Variants in ST3GAL1 observed in about 807,000 individuals in gnomAD.
The protein encoded by ST3GAL1 is ST3 beta-galactoside alpha-2,3-sialyltransferase 1, also known as CMP-N-acetylneuraminate-beta-galactosamide-alpha-2,3-sialyltransferase 1.
A neutral mutation model predicts 34.1 loss-of-function variants in ST3GAL1; 16 were observed. The observed-to-expected ratio is 0.47, with a 90% CI of 0.32 to 0.71. The LOEUF is 0.71. Among genes scored for constraint, ST3GAL1 ranks in the 30% least tolerant of loss-of-function variants. The pLI is 0.04. For missense variants in ST3GAL1, 353 were observed against 447.4 expected, an observed-to-expected ratio of 0.79 and a Z score of 1.90; for synonymous variants, 191 against 184.7, an observed-to-expected ratio of 1.03 and a Z score of -0.28.
chr8:133,476,623 A>C (rs902023857), intron 3 of ST3GAL1, 23 bp from the exon 4 acceptor site: 3 of 152,236 alleles, frequency 2.0e-5, no homozygotes, highest in African/African-American at 4.8e-5. Flanking sequence ...GGAGGAAGAA[A>C]ACAGCGTGAG....
At chr8:133,462,270 A>C (rs1335877318) in intron 8 of ST3GAL1, among the ~76,000 whole-genome samples, 1 of 152,160 alleles carries the variant, frequency 6.6e-6, no homozygotes, top group African/African-American at 2.4e-5. Context: ...TGACACACAG[A>C]AAAATCCAAG....
In ST3GAL1 at chr8:133,539,199, C is replaced by T. The variant is rs190049517; in HGVS notation, c.-429+6575G>A. Among the ~76,000 whole-genome samples the T allele has an allele frequency of 1.9e-4, 29 of 152,274 alleles. No individual in the cohort carries two copies. In the Middle Eastern group the frequency reaches 0.02, roughly 107 times the overall value. On this transcript the variant is annotated intron_variant, in intron 2 of 9. Coordinates refer to ENST00000522652, the MANE Select transcript of ST3GAL1 (RefSeq NM_173344.3). ...AGTGCCTTCGAAAATCCCAGCAGAA[C>T]CAAGAAGAACGAAGTTCTTTCGCCC...
rs574957440 is a variant in ST3GAL1, at chr8:133,477,669, C to T, written c.-373-1069G>A. Among the ~76,000 whole-genome samples the T allele has an allele frequency of 5.8e-4, 88 of 152,118 alleles. 1 individual carries two copies. The highest frequency in any genetic ancestry group is 4.8e-3 in the Admixed American group (74 of 15,280). On this transcript the variant is annotated intron_variant, in intron 3 of 9. Transcript: ENST00000522652. ...TCTTTTGAAGAAGGCAAACAGGTACCTCTCAAATGCCCATCGGAGACCCCT... is the reference window on the plus strand; with the variant it reads ...TCTTTTGAAGAAGGCAAACAGGTACTTCTCAAATGCCCATCGGAGACCCCT...
chr8:133,535,805 T>G (rs1323149685), intron 2 of ST3GAL1, among the ~76,000 whole-genome samples: 2 of 152,202 alleles, frequency 1.3e-5, no homozygotes, highest in Non-Finnish European at 2.9e-5. Flanking sequence ...AAAAAGTATT[T>G]TTTAATTAAG....
chr8:133,467,039 G>T lies in ST3GAL1; in HGVS notation c.307-949C>A, dbSNP rs1815763567. Among the ~76,000 whole-genome samples, 1 of 150,846 alleles carries T rather than the reference G, an allele frequency of 6.6e-6. No individual in the cohort carries two copies. The highest frequency in any genetic ancestry group is 2.4e-5 in the African/African-American group (1 of 41,004). ...GAACCCGGAAGGCGGAGGTTGCAGT[G>T]AGCCAAGACAGTGCCACTGCACTTC... On this transcript the variant is annotated intron_variant, in intron 5 of 9. Transcript: ENST00000522652. This position sits in a 1 kb window ranked among gnomAD's most constrained non-coding sequence, Gnocchi z 4.2.
chr8:133,530,737 A>G (rs1235951854), intron 2 of ST3GAL1, among the ~76,000 whole-genome samples: 2 of 152,196 alleles, frequency 1.3e-5, no homozygotes, highest in Non-Finnish European at 2.9e-5. Context: ...GACAAAAAGC[A>G]TTTCGGGAAA....
chr8:133,562,794 T>TTTCTTTCC (rs1274494149), intron 1 of ST3GAL1, among the ~76,000 whole-genome samples: 6 of 108,600 alleles, frequency 5.5e-5, no homozygotes, highest in East Asian at 2.5e-4. Flanking sequence ...TCTTTCTTTC[T>TTTCTTTCC]TTCCTTCCTT....
At position 133,456,148 on chromosome 8, in the gene ST3GAL1, T is replaced by A. The variant is rs545073330; in HGVS notation, c.*3616A>T. ...GTTTTAAAAGGCATTCATCCATTTA[T>A]GAACTTTCTTCCAGCCCAGGATCCC... On this transcript the variant is annotated 3_prime_UTR_variant, in exon 10 of 10. Transcript: ENST00000522652. The A allele has an allele frequency of 1.3e-5, 2 of 152,352 alleles. No individual in the cohort carries two copies. The highest frequency in any genetic ancestry group is 4.8e-5 in the African/African-American group (2 of 41,584). 9.4% of individuals were successfully genotyped at this position (152,352 alleles called of 1,614,324 possible).
At position 133,456,109 on chromosome 8, in the gene ST3GAL1, T is replaced by C. The variant is rs1004914958; in HGVS notation, c.*3655A>G. 1.3e-5 allele frequency: 2 copies of C among 152,222 alleles called. No individual in the cohort carries two copies. The highest frequency in any genetic ancestry group is 4.8e-5 in the African/African-American group (2 of 41,452). The allele number at this position is 152,222 out of a possible 1,614,324, so 9.4% of individuals were successfully genotyped here. On this transcript the variant is annotated 3_prime_UTR_variant, in exon 10 of 10. Transcript: ENST00000522652. ...AACCAAATGCTTTGGTGAATGATGC[T>C]TGGAAAAGCTGGAGTTTTAAAAGGC... is the stretch of plus-strand genomic sequence containing the variant.
chr8:133,525,558 CCTGT>C (rs1817944993), intron 2 of ST3GAL1, among the ~76,000 whole-genome samples: 1 of 152,136 alleles, frequency 6.6e-6, no homozygotes, highest in African/African-American at 2.4e-5. Context: ...TGCCCAGGAG[CCTGT>C]CTGCCTCCTG....
At chr8:133,463,391 G>A (rs569191027) in intron 8 of ST3GAL1, 23 bp downstream of exon 8, 2 of 1,613,646 alleles carry the variant, frequency 1.2e-6, no homozygotes, top group African/African-American at 1.3e-5. Context: ...ACTTAGAACA[G>A]AGGGGCCGGG....
intron 1 of ST3GAL1, among the ~76,000 whole-genome samples, chr8:133,554,200 A>T (rs1356694169): frequency 2.0e-5 from 3 of 152,186 alleles, no homozygotes; most frequent in Non-Finnish European, 2.9e-5. Context: ...GCATGAGTCA[A>T]ATTCTAGACC....
chr8:133,476,173 C>G, intron 4 of ST3GAL1, 99 bp from the exon 5 acceptor site: 1 of 832,008 alleles, frequency 1.2e-6, no homozygotes, highest in Non-Finnish European at 1.8e-6. Flanking sequence ...CCGCTAAGCT[C>G]GACTTCACTC....
At chr8:133,516,694 T>C (rs1454478590) in intron 2 of ST3GAL1, among the ~76,000 whole-genome samples, 1 of 152,140 alleles carries the variant, frequency 6.6e-6, no homozygotes, top group Non-Finnish European at 1.5e-5. Context: ...AGGGCAGCAA[T>C]TATAAAAGTG....
chr8:133,551,559 AAAGAAAGAAAG>A (rs1563738991), intron 1 of ST3GAL1, among the ~76,000 whole-genome samples: 8 of 140,382 alleles, frequency 5.7e-5, no homozygotes. Flanking sequence ...AGAAAGAAAG[AAAGAAAGAAAG>A]AAAGAAAGAA....
chr8:133,489,037 G>A (rs1012815999), intron 3 of ST3GAL1, among the ~76,000 whole-genome samples: 8 of 152,126 alleles, frequency 5.3e-5, no homozygotes, highest in Non-Finnish European at 1.2e-4. Flanking sequence ...CCTTGCTCCT[G>A]TCAAATGACC....
chr8:133,543,982 G>A (rs994447427), intron 2 of ST3GAL1: 1 of 152,236 alleles, frequency 6.6e-6, no homozygotes, highest in Non-Finnish European at 1.5e-5. Flanking sequence ...ATGGTGAGGT[G>A]CTTGAAGACC....
intron 2 of ST3GAL1, among the ~76,000 whole-genome samples, chr8:133,505,459 T>C (rs1476194642): frequency 6.6e-6 from 1 of 152,186 alleles, no homozygotes; most frequent in Non-Finnish European, 1.5e-5. Context: ...GTAAAGTCTT[T>C]TGGCTCTGAT....
At chr8:133,463,646 A>T (rs955173325) in intron 7 of ST3GAL1, among the ~76,000 whole-genome samples, 187 bp from the exon 8 acceptor site, 1 of 152,018 alleles carries the variant, frequency 6.6e-6, no homozygotes, top group Non-Finnish European at 1.5e-5. Context: ...GCCCCAATAG[A>T]CACCAGAGGA....
Sources: gnomAD v4.1 joint callset for allele counts (sites outside exome capture counted in the v4.1 genomes callset) on GRCh38, gnomAD v4.1.1 for gene constraint, Gnocchi (gnomAD v3.1) non-coding constraint, MANE v1.5 for transcripts, NCBI Gene and HGNC (gene_info 2026-07-23, HGNC 2026-07-21) for gene names.